The following SP1 variants were observed in gnomAD, a reference collection of about 807,000 sequenced individuals.
The protein encoded by SP1 is transcription factor Sp1.
A neutral mutation model predicts 66.3 loss-of-function variants in SP1; 6 were observed. The observed-to-expected ratio is 0.09, with a 90% CI of 0.05 to 0.18. The LOEUF is 0.18. Ranked by LOEUF, SP1 falls within the 10% of genes least tolerant of loss-of-function variation. The probability of loss-of-function intolerance (pLI) is 1.00; values close to 1 mark genes in which losing one functional copy is unlikely to be tolerated. For synonymous variants in SP1, 417 were observed against 360.8 expected (o/e 1.16, Z -1.77); for missense variants, 848 against 964.5 (o/e 0.88, Z 1.60).
chr12:53,400,265 G>A (rs1938582075), intron 3 of SP1, among the ~76,000 whole-genome samples: 1 of 152,166 alleles, frequency 6.6e-6, no homozygotes, highest in East Asian at 1.9e-4. Context: ...GAATCTTACA[G>A]TATGTGGTCT....
At chr12:53,405,964 T>C (rs1360725625) in intron 3 of SP1, among the ~76,000 whole-genome samples, 1 of 150,144 alleles carries the variant, frequency 6.7e-6, no homozygotes, top group East Asian at 2.0e-4. Context: ...ACCTACACGT[T>C]GTGCACATGT....
At position 53,382,095 on chromosome 12, in the gene SP1, C is replaced by T; in HGVS notation, c.163-15C>T. 3 of 1,612,086 alleles carry T rather than the reference C, an allele frequency of 1.9e-6. No individual in the cohort carries two copies. The highest frequency in any genetic ancestry group is 2.5e-6 in the Non-Finnish European group (3 of 1,178,952). On this transcript the variant is annotated splice_polypyrimidine_tract_variant and intron_variant, in intron 2 of 5. Coordinates refer to ENST00000327443, the MANE Select transcript of SP1 (RefSeq NM_138473.3). The stretch of plus-strand genomic sequence containing the variant: ...GGTGTCACTAACTCCTTTCCTCTCC[C>T]TTATTTTCGGCCAGGAGTCCCAGCC...
chr12:53,410,131 A>C (rs1335797855), intron 5 of SP1, among the ~76,000 whole-genome samples: 2 of 151,938 alleles, frequency 1.3e-5, no homozygotes, highest in Non-Finnish European at 2.9e-5. Context: ...ACATGGGGAA[A>C]CCCTGTCTCT....
intron 3 of SP1, among the ~76,000 whole-genome samples, chr12:53,391,422 T>C (rs1938349474): frequency 6.8e-6 from 1 of 147,418 alleles, no homozygotes; most frequent in Admixed American, 7.1e-5. Context: ...CCTCCTGGGT[T>C]CAAGCGATTC....
At position 53,415,620 on chromosome 12, in the gene SP1, T is replaced by C. The variant is rs1938980116; in HGVS notation, c.*4380T>C. 1 of 146,382 alleles carries C rather than the reference T, an allele frequency of 6.8e-6. No individual in the cohort carries two copies. Among genetic ancestry groups the C allele is most frequent in the Non-Finnish European group, 1.5e-5 (1 of 67,024 alleles). The allele number at this position is 146,382 out of a possible 1,614,324, so 9.1% of individuals were successfully genotyped here. ...TGATCTGCCTCTCAACTGCCCTAAGTCCTAGCTAAGTATCAGGGGAAAAAA... is the reference window on the plus strand; with the variant it reads ...TGATCTGCCTCTCAACTGCCCTAAGCCCTAGCTAAGTATCAGGGGAAAAAA... On this transcript the variant is annotated 3_prime_UTR_variant, in exon 6 of 6. Transcript: ENST00000327443.
intron 3 of SP1, among the ~76,000 whole-genome samples, chr12:53,399,322 T>TTTG (rs1555197973): frequency 1.4e-5 from 2 of 146,936 alleles, no homozygotes; most frequent in Non-Finnish European, 3.0e-5. Flanking sequence ...CTAATTTTTG[T>TTTG]TTTTTTGTTT....
intron 3 of SP1, among the ~76,000 whole-genome samples, chr12:53,393,978 G>T (rs1180904686): frequency 6.6e-6 from 1 of 151,436 alleles, no homozygotes; most frequent in Non-Finnish European, 1.5e-5. Flanking sequence ...ACTTTGGGAG[G>T]CCGAGGTGGG....
intron 5 of SP1, among the ~76,000 whole-genome samples, chr12:53,410,163 A>G (rs1310378586): frequency 2.7e-5 from 4 of 150,736 alleles, no homozygotes; most frequent in East Asian, 2.0e-4. Context: ...AAAATAGTCA[A>G]GCGTGCTGGT....
rs1172664915 is a variant in SP1, at chr12:53,414,139, T to C, written c.*2899T>C. On this transcript the variant is annotated 3_prime_UTR_variant, in exon 6 of 6. Transcript: ENST00000327443. ...TTTGGCTAACAGAAATTAATTTAAC[T>C]GACATGCATATTGATTCTGAAATTT... The C allele has an allele frequency of 1.3e-5, 2 of 152,230 alleles. No individual in the cohort carries two copies. Among genetic ancestry groups the C allele is most frequent in the Non-Finnish European group, 1.5e-5 (1 of 68,042 alleles). The allele number at this position is 152,230 out of a possible 1,614,324, so 9.4% of individuals were successfully genotyped here. A position where few individuals can be genotyped will look rare whatever the true frequency, so the allele number is the denominator to read the frequency against.
Position 53,415,361 on chromosome 12 carries a change from C to T in SP1, c.*4121C>T, listed in dbSNP as rs1938974772. ...ATTAAGCAGCCTTAAGCTTAAATTC[C>T]TACTCCCTCTTCCAAATTTGGCTCA... is the stretch of plus-strand genomic sequence containing the variant. On this transcript the variant is annotated 3_prime_UTR_variant, in exon 6 of 6. Transcript: ENST00000327443. The T allele has an allele frequency of 6.6e-6, 1 of 152,390 alleles. No individual in the cohort carries two copies. The highest frequency in any genetic ancestry group is 1.5e-5 in the Non-Finnish European group (1 of 68,014). The allele number at this position is 152,390 out of a possible 1,614,324, so 9.4% of individuals were successfully genotyped here.
Position 53,382,402 on chromosome 12 carries a change from C to T in SP1, c.455C>T (p.Ala152Val). 1 of 1,614,222 alleles carries T rather than the reference C, an allele frequency of 6.2e-7. No individual in the cohort carries two copies. The highest frequency in any genetic ancestry group is 1.1e-5 in the South Asian group (1 of 91,082). Residue 152 changes from alanine (A) to valine (V), a missense_variant, in exon 3 of 6, where the codon GCT (alanine) becomes GTT (valine). Coordinates refer to ENST00000327443, the MANE Select transcript of SP1 (RefSeq NM_138473.3). The part of the protein sequence containing the change: ...VSGGQYVVAA[A>V]PNLQNQQVLT... ...GGTGGGCAGTATGTTGTGGCTGCCG[C>T]TCCCAACTTACAGAACCAGCAAGTT... is the stretch of plus-strand genomic sequence containing the variant.
rs779132272 is a variant in SP1, at chr12:53,380,278, C to T, written c.-14C>T. 6 of 1,527,898 alleles carry T rather than the reference C, an allele frequency of 3.9e-6. No homozygotes were observed. The African/African-American group carries it at 5.5e-5, about 14-fold the overall frequency. 94.6% of individuals were successfully genotyped at this position (1,527,898 alleles called of 1,614,324 possible). ...CGGACAGGACCCCCTTGAGCTTGTC[C>T]CTCAGCTGCCACCATGAGCGGTAAG... On this transcript the variant is annotated 5_prime_UTR_variant, in exon 1 of 6. Transcript: ENST00000327443.
At chr12:53,383,763 A>G (rs1938163675) in intron 3 of SP1, 141 bp downstream of exon 3, 1 of 715,308 alleles carries the variant, frequency 1.4e-6, no homozygotes, top group Admixed American at 2.9e-5. Flanking sequence ...TTTGAGAAAT[A>G]GAGATTCTGT....
chr12:53,389,657 TC>T lies in SP1; in HGVS notation c.1675+6037del, dbSNP rs1938307737. ...CCCTCCCTCTTTTATCAACAGCTTTTCCTTTCATTTTGTAGTCATATTTTCC... is the reference window on the plus strand; with the variant it reads ...CCCTCCCTCTTTTATCAACAGCTTTTCTTTCATTTTGTAGTCATATTTTCC... On this transcript the variant is annotated intron_variant, in intron 3 of 5. Coordinates refer to ENST00000327443, the MANE Select transcript of SP1 (RefSeq NM_138473.3). Among the ~76,000 whole-genome samples, 4 of 152,232 alleles carry T rather than the reference TC, an allele frequency of 2.6e-5. No homozygotes were observed. The South Asian group carries it at 8.3e-4, about 32-fold the overall frequency.
At chr12:53,401,148 C>T (rs1322370578) in intron 3 of SP1, among the ~76,000 whole-genome samples, 2 of 151,916 alleles carry the variant, frequency 1.3e-5, no homozygotes, top group Admixed American at 6.6e-5. Context: ...TTACTTAATT[C>T]CTAGAAATAT....
At chr12:53,401,458 A>AG (rs200594137) in intron 3 of SP1, among the ~76,000 whole-genome samples, 24 of 91,340 alleles carry the variant, frequency 2.6e-4, no homozygotes, top group Non-Finnish European at 4.2e-4. Context: ...TCTATCTGGG[A>AG]AAAAAAAAAA....
At chr12:53,399,864 C>T (rs1407933002) in intron 3 of SP1, among the ~76,000 whole-genome samples, 1 of 151,534 alleles carries the variant, frequency 6.6e-6, no homozygotes, top group Non-Finnish European at 1.5e-5. Context: ...CTCTCAACCT[C>T]AGGTCATCCG....
In SP1 at chr12:53,415,412, A is replaced by T. The variant is rs1938975648; in HGVS notation, c.*4172A>T. The T allele has an allele frequency of 6.6e-6, 1 of 152,420 alleles. No homozygotes were observed. The highest frequency in any genetic ancestry group is 1.5e-5 in the Non-Finnish European group (1 of 68,042). The allele number at this position is 152,420 out of a possible 1,614,324, so 9.4% of individuals were successfully genotyped here. A position where few individuals can be genotyped will look rare whatever the true frequency, so the allele number is the denominator to read the frequency against. Reference sequence around the variant, plus strand: ...CTTGCCTTAGATCCAAGGCAGGGAAAGGAAAAGAAGGGGGGTCTCTGGCTT... The same window carrying T: ...CTTGCCTTAGATCCAAGGCAGGGAATGGAAAAGAAGGGGGGTCTCTGGCTT... On this transcript the variant is annotated 3_prime_UTR_variant, in exon 6 of 6. Transcript: ENST00000327443.
chr12:53,410,227 C>A lies in SP1; in HGVS notation c.2044+666C>A, dbSNP rs958882203. Among the ~76,000 whole-genome samples the A allele has an allele frequency of 2.0e-5, 3 of 151,804 alleles. 1 individual carries two copies. In the South Asian group the frequency reaches 6.3e-4, roughly 32 times the overall value. On this transcript the variant is annotated intron_variant, in intron 5 of 5. Transcript: ENST00000327443. ...GGCTGAGGCAGGAGAATTGCTTGAACCTTGGAGGCGGAGGTTACAGTGAGC... is the reference window on the plus strand; with the variant it reads ...GGCTGAGGCAGGAGAATTGCTTGAAACTTGGAGGCGGAGGTTACAGTGAGC...
Sources: allele counts gnomAD v4.1 joint callset (sites outside exome capture counted in the v4.1 genomes callset), GRCh38; gene constraint gnomAD v4.1.1; transcripts MANE v1.5; gene names NCBI Gene and HGNC (gene_info 2026-07-23, HGNC 2026-07-21).